The following MCM4 variants were observed in gnomAD, a reference collection of about 807,000 sequenced individuals.
MCM4 encodes DNA replication licensing factor MCM4.
Under a neutral mutation model 88.7 loss-of-function variants are expected in MCM4, and 60 were observed. That is an observed-to-expected ratio of 0.68 (90% CI 0.55 to 0.84). The LOEUF is 0.84. Ranked by LOEUF, MCM4 falls within the 40% of genes least tolerant of loss-of-function variation. MCM4 has a pLI of 0.00. For missense variants in MCM4, 1,149 were observed against 1,105.5 expected (o/e 1.04, Z -0.56); for synonymous variants, 465 against 410.5 (o/e 1.13, Z -1.61).
chr8:47,971,222 C>T, intron 12 of MCM4, 119 bp from the exon 13 acceptor site: 1 of 1,208,882 alleles, frequency 8.3e-7, no homozygotes, highest in African/African-American at 1.5e-5. Context: ...GGCAACATGG[C>T]TCAGGCAATA....
intron 7 of MCM4, 101 bp from the exon 8 acceptor site, chr8:47,964,473 C>T (rs934103635): frequency 1.9e-5 from 16 of 836,430 alleles, no homozygotes; most frequent in African/African-American, 1.4e-4. Flanking sequence ...ACTTTGGGGA[C>T]ATGACATGTT....
chr8:47,974,687 G>A, intron 14 of MCM4, 47 bp from the exon 15 acceptor site: 23 of 1,487,894 alleles, frequency 1.5e-5, no homozygotes, highest in Non-Finnish European at 2.1e-5. Flanking sequence ...AACTAAAGTT[G>A]TCACCAAGGA....
In MCM4 at chr8:47,961,630, C is replaced by G. The variant is rs564059293; in HGVS notation, c.185C>G (p.Pro62Arg). 5.0e-6 allele frequency: 8 copies of G among 1,614,042 alleles called. No homozygotes were observed. The Admixed American group carries it at 5.0e-5, about 10-fold the overall frequency. Residue 62 changes from proline to arginine, a missense_variant, in exon 3 of 17, where the codon CCT becomes CGT. Transcript: ENST00000649973. ...PTSPGVDLQSPAAQDVLFSSP... is the reference protein window; with the variant it reads ...PTSPGVDLQSRAAQDVLFSSP... ...TCGCCTGGAGTGGACCTGCAGAGCC[C>G]TGCTGCGCAGGACGTGCTGTTTTCC... is the stretch of plus-strand genomic sequence containing the variant.
rs756135528 is a variant in MCM4 at position 47,967,408 on chromosome 8, C to G, written c.1097C>G (p.Thr366Arg). 2.5e-6 allele frequency: 4 copies of G among 1,614,052 alleles called. No individual in the cohort carries two copies. The highest frequency in any genetic ancestry group is 3.4e-6 in the Non-Finnish European group (4 of 1,180,020). The change falls in exon 10 of 17, where the codon ACA (threonine) becomes AGA (arginine). Residue 366 changes from threonine (T) to arginine (R), a missense_variant. Physicochemically the swap from Thr to Arg is moderately conservative, Grantham distance 71. Around this residue, in one of 3 missense-constraint regions of MCM4, gnomAD observed 906 missense variants for 843.0 expected, o/e 1.07. Transcript: ENST00000649973. Reference sequence around the variant, plus strand: ...CCGGAAGACATGCCTGCAGGGCAGACACCACACACAGTTATCCTGTTTGCT... The same window carrying G: ...CCGGAAGACATGCCTGCAGGGCAGAGACCACACACAGTTATCCTGTTTGCT... ...ESPEDMPAGQ[T>R]PHTVILFAHN...
Position 47,961,684 on chromosome 8 carries a change from C to A in MCM4, c.235+4C>A. The stretch of plus-strand genomic sequence containing the variant: ...CCTCCCCAAATGCATTCTTCAGGTG[C>A]GTGTCTGAAGATCTTGGTTTTGCTG... On this transcript the variant is annotated splice_donor_region_variant and intron_variant, in intron 3 of 16. Transcript: ENST00000649973. 1 of 1,600,398 alleles carries A rather than the reference C, an allele frequency of 6.2e-7. No homozygotes were observed. Among genetic ancestry groups the A allele is most frequent in the South Asian group, 1.1e-5 (1 of 89,692 alleles).
chr8:47,967,427 G>A lies in MCM4; in HGVS notation c.1116G>A (p.Leu372=). The A allele has an allele frequency of 6.2e-7, 1 of 1,614,180 alleles. No individual in the cohort carries two copies. The highest frequency in any genetic ancestry group is 8.5e-7 in the Non-Finnish European group (1 of 1,180,028). Reference sequence around the variant, plus strand: ...GGCAGACACCACACACAGTTATCCTGTTTGCTCACAATGATCTCGTTGACA... The same window carrying A: ...GGCAGACACCACACACAGTTATCCTATTTGCTCACAATGATCTCGTTGACA... The part of the protein sequence containing the change: ...PAGQTPHTVI[L]FAHNDLVDKV... Residue 372 remains leucine (L), a synonymous_variant, in exon 10 of 17, where the codon CTG becomes CTA. Transcript: ENST00000649973.
At chr8:47,974,401 C>T (rs1589834416) in intron 14 of MCM4, 1 of 284,464 alleles carries the variant, frequency 3.5e-6, no homozygotes, top group African/African-American at 2.1e-5. Context: ...CAGCCTTCTC[C>T]TCTCCCCACA....
At chr8:47,966,053 G>C in intron 8 of MCM4, 134 bp from the exon 9 acceptor site, 1 of 676,732 alleles carries the variant, frequency 1.5e-6, no homozygotes, top group South Asian at 1.7e-5. Context: ...TGAAGACATA[G>C]CCTGCAGATG....
chr8:47,973,545 T>A (rs1267326655), intron 14 of MCM4: 1 of 155,466 alleles, frequency 6.4e-6, no homozygotes, highest in Admixed American at 6.4e-5. Flanking sequence ...CAGGCTGGAC[T>A]GCAGTGGCGC....
rs2090852601 is a variant in MCM4, at chr8:47,962,404, C to A, written c.499C>A (p.Gln167Lys). ...TGTGGCAGCATGCAAAGAAAACTTTCAGGTGAGCTACATGTATTAAAATTC... is the reference window on the plus strand; with the variant it reads ...TGTGGCAGCATGCAAAGAAAACTTTAAGGTGAGCTACATGTATTAAAATTC... ...VNVAACKENF[Q>K]RFLQRFIDPL... is the part of the protein sequence containing the mutation. Residue 167 changes from glutamine (Q) to lysine (K), a missense_variant and splice_region_variant, in exon 5 of 17, where the codon CAG (glutamine) becomes AAG (lysine). Transcript: ENST00000649973. The A allele has an allele frequency of 6.2e-7, 1 of 1,614,078 alleles. No individual in the cohort carries two copies.
Position 47,977,044 on chromosome 8 carries a change from T to A in MCM4, c.*266T>A, listed in dbSNP as rs898382350. Reference sequence around the variant, plus strand: ...ACTTTGGGAGGCCAATGTGGGTGGATCATGAGGTCAGGAGTTCAAGACCAG... The same window carrying A: ...ACTTTGGGAGGCCAATGTGGGTGGAACATGAGGTCAGGAGTTCAAGACCAG... On this transcript the variant is annotated 3_prime_UTR_variant, in exon 17 of 17. Transcript: ENST00000649973. The A allele has an allele frequency of 3.8e-6, 1 of 261,324 alleles. No homozygotes were observed. The highest frequency in any genetic ancestry group is 4.8e-5 in the Admixed American group (1 of 20,630). 16.2% of individuals were successfully genotyped at this position (261,324 alleles called of 1,614,324 possible).
chr8:47,968,164 T>A (rs1004227133), intron 10 of MCM4, among the ~76,000 whole-genome samples: 2 of 151,884 alleles, frequency 1.3e-5, no homozygotes, highest in Non-Finnish European at 2.9e-5. Flanking sequence ...GGCAAGGGAG[T>A]GTTGATGGCA....
Position 47,973,014 on chromosome 8 carries a change from A to G in MCM4, c.2086A>G (p.Ser696Gly), listed in dbSNP as rs2090969621. ...AAAGGACTACATTGCCTACGCGCAC[A>G]GCACCATCATGCCGCGGCTAAGTGA... is the stretch of plus-strand genomic sequence containing the variant. ...VLKDYIAYAH[S>G]TIMPRLSEEA... The change falls in exon 14 of 17, where the codon AGC (serine) becomes GGC (glycine). Residue 696 changes from serine to glycine, a missense_variant. Around this residue, in one of 3 missense-constraint regions of MCM4, gnomAD observed 238 missense variants for 241.6 expected, o/e 0.99. Coordinates refer to ENST00000649973, the MANE Select transcript of MCM4 (RefSeq NM_182746.3). 2 of 1,614,158 alleles carry G rather than the reference A, an allele frequency of 1.2e-6. No individual in the cohort carries two copies.
At chr8:47,968,873 G>T (rs2090924427) in intron 10 of MCM4, among the ~76,000 whole-genome samples, 1 of 152,040 alleles carries the variant, frequency 6.6e-6, no homozygotes, top group Admixed American at 6.6e-5. Context: ...TGTATGTGAG[G>T]AGCCTGGCTT....
At chr8:47,966,823 T>TA (rs959082199) in intron 9 of MCM4, among the ~76,000 whole-genome samples, 1 of 152,236 alleles carries the variant, frequency 6.6e-6, no homozygotes, top group African/African-American at 2.4e-5. Context: ...ATGAAGTTAT[T>TA]AAAATGACAG....
In MCM4 at chr8:47,970,022, G is replaced by C. The variant is rs1315776723; in HGVS notation, c.1399G>C (p.Ala467Pro). The C allele has an allele frequency of 6.2e-7, 1 of 1,614,122 alleles. No homozygotes were observed. The highest frequency in any genetic ancestry group is 8.5e-7 in the Non-Finnish European group (1 of 1,180,018). Residue 467 changes from alanine to proline, a missense_variant, in exon 11 of 17, where the codon GCT (alanine) becomes CCT (proline). Physicochemically the swap from Ala to Pro is conservative, Grantham distance 27. Around this residue, in one of 3 missense-constraint regions of MCM4, gnomAD observed 906 missense variants for 843.0 expected, o/e 1.07. Transcript: ENST00000649973. ...TTATGAGAGGCTTGCTTCAGCCTTG[G>C]CTCCAAGCATTTATGAACATGAAGA... ...DIYERLASAL[A>P]PSIYEHEDIK...
intron 11 of MCM4, 59 bp from the exon 12 acceptor site, chr8:47,970,452 A>G (rs1440693336): frequency 6.6e-7 from 1 of 1,522,224 alleles, no homozygotes; most frequent in East Asian, 2.3e-5. Context: ...TAAAGTTTAA[A>G]CTACATCTCA....
chr8:47,969,076 TAGAAGCA>T (rs2090927207), intron 10 of MCM4: 1 of 152,212 alleles, frequency 6.6e-6, no homozygotes, highest in South Asian at 2.1e-4. Flanking sequence ...AGCATTGAGC[TAGAAGCA>T]CAGCAGCTCC....
At chr8:47,972,042 G>A (rs2090957566) in intron 13 of MCM4, among the ~76,000 whole-genome samples, 1 of 151,634 alleles carries the variant, frequency 6.6e-6, no homozygotes, top group South Asian at 2.1e-4. Context: ...GGCCACCCTG[G>A]GCAACTTGAT....
Sources: allele counts gnomAD v4.1 joint callset (sites outside exome capture counted in the v4.1 genomes callset), GRCh38; gene constraint gnomAD v4.1.1; regional missense constraint gnomAD v4.1.1; transcripts MANE v1.5; gene names NCBI Gene and HGNC (gene_info 2026-07-23, HGNC 2026-07-21).